Variants in LDLRAD3 observed in about 807,000 individuals in gnomAD.
LDLRAD3 encodes the protein low density lipoprotein receptor class A domain containing 3, also known as low-density lipoprotein receptor class A domain-containing protein 3.
In LDLRAD3, 20 loss-of-function variants were observed where a neutral mutation model predicts 29.4. The observed-to-expected ratio is 0.68, with a 90% CI of 0.48 to 0.99. The LOEUF is 0.99. LDLRAD3 is among the 50% of genes least tolerant of loss of function. LDLRAD3 has a pLI of 0.00. For missense variants in LDLRAD3, 420 were observed against 454.3 expected, an observed-to-expected ratio of 0.92 and a Z score of 0.69; for synonymous variants, 157 against 192.7, an observed-to-expected ratio of 0.81 and a Z score of 1.53.
intron 1 of LDLRAD3, among the ~76,000 whole-genome samples, chr11:35,987,607 G>A (rs1280797177): frequency 1.3e-5 from 2 of 152,164 alleles, no homozygotes; most frequent in African/African-American, 4.8e-5. Flanking sequence ...TTTTATGGCT[G>A]TGTATGTAGT....
chr11:36,203,143 C>G (rs1232923561), intron 4 of LDLRAD3, among the ~76,000 whole-genome samples: 1 of 152,056 alleles, frequency 6.6e-6, no homozygotes, highest in Non-Finnish European at 1.5e-5. Context: ...CACTGTGTTG[C>G]CCAGGCTGGA....
chr11:36,043,370 G>A (rs190325579), intron 2 of LDLRAD3, among the ~76,000 whole-genome samples: 1 of 152,330 alleles, frequency 6.6e-6, no homozygotes, highest in East Asian at 1.9e-4. Flanking sequence ...CTGTCTAACA[G>A]GCTGACGTCT....
intron 3 of LDLRAD3, among the ~76,000 whole-genome samples, chr11:36,092,917 C>G (rs1335983189): frequency 6.6e-6 from 1 of 152,154 alleles, no homozygotes; most frequent in Non-Finnish European, 1.5e-5. Flanking sequence ...GGGCTGTGTT[C>G]CTCTACCATC....
rs72940737 is a variant in LDLRAD3, at chr11:36,002,767, C to T, written c.47-33336C>T. 3.8e-3 allele frequency among the ~76,000 whole-genome samples: 576 copies of T among 152,266 alleles called. 1 individual carries two copies. Among genetic ancestry groups the T allele is most frequent in the Non-Finnish European group, 7.2e-3 (491 of 68,008 alleles). On this transcript the variant is annotated intron_variant, in intron 1 of 5. Coordinates refer to ENST00000315571, the MANE Select transcript of LDLRAD3 (RefSeq NM_174902.4). ...CCTGGCTTGCTTCACTGGAGAAGGG[C>T]CCCTTTGGCACACCTACCACATTGC... is the stretch of plus-strand genomic sequence containing the variant.
intron 4 of LDLRAD3, among the ~76,000 whole-genome samples, chr11:36,208,354 T>G (rs1855238800): frequency 6.6e-6 from 1 of 152,196 alleles, no homozygotes; most frequent in African/African-American, 2.4e-5. Flanking sequence ...AAGTTCAAGA[T>G]CAAGGCGCGA....
chr11:35,966,642 C>T (rs987150386), intron 1 of LDLRAD3, among the ~76,000 whole-genome samples: 2 of 142,042 alleles, frequency 1.4e-5, no homozygotes, highest in Non-Finnish European at 3.0e-5. Context: ...TTCCTTGAAC[C>T]TTCTCCATCC....
chr11:36,066,746 G>A (rs576672902), intron 2 of LDLRAD3, among the ~76,000 whole-genome samples: 2 of 152,222 alleles, frequency 1.3e-5, no homozygotes, highest in East Asian at 3.9e-4. Flanking sequence ...CTAAAAGTAC[G>A]AAGAATATTA....
intron 3 of LDLRAD3, among the ~76,000 whole-genome samples, chr11:36,096,045 A>C (rs1853355544): frequency 1.3e-5 from 2 of 151,708 alleles, no homozygotes; most frequent in Non-Finnish European, 2.9e-5. Context: ...TCTCTGGCCC[A>C]CAGCGATGTC....
chr11:35,970,902 C>T (rs1851403442), intron 1 of LDLRAD3, among the ~76,000 whole-genome samples: 1 of 152,188 alleles, frequency 6.6e-6, no homozygotes, highest in African/African-American at 2.4e-5. Flanking sequence ...TTGATTGACT[C>T]TGGGGGAACC....
At chr11:36,057,641 T>A (rs1338112359) in intron 2 of LDLRAD3, among the ~76,000 whole-genome samples, 1 of 152,236 alleles carries the variant, frequency 6.6e-6, no homozygotes, top group African/African-American at 2.4e-5. Flanking sequence ...CTTTGTTTGC[T>A]GAGATTCTGC....
At chr11:36,130,157 G>A (rs953978321) in intron 4 of LDLRAD3, among the ~76,000 whole-genome samples, 19 of 152,338 alleles carry the variant, frequency 1.2e-4, no homozygotes, top group African/African-American at 4.3e-4. Context: ...AATTTCAAGT[G>A]TGATGATTCG....
intron 1 of LDLRAD3, among the ~76,000 whole-genome samples, chr11:35,977,555 G>C (rs894263826): frequency 1.3e-5 from 2 of 152,134 alleles, no homozygotes; most frequent in Non-Finnish European, 2.9e-5. Flanking sequence ...CTCCCAAGCA[G>C]CTTTACTAGA....
At chr11:36,164,720 TC>T (rs1854490925) in intron 4 of LDLRAD3, among the ~76,000 whole-genome samples, 2 of 152,338 alleles carry the variant, frequency 1.3e-5, no homozygotes, top group Admixed American at 1.3e-4. Context: ...CTCTGACTCT[TC>T]CTTTAACTTC....
Position 36,035,175 on chromosome 11 carries a change from CTT to C in LDLRAD3, c.47-914_47-913del, listed in dbSNP as rs11352330. Among the ~76,000 whole-genome samples, 211 of 143,492 alleles carry C rather than the reference CTT, an allele frequency of 1.5e-3. 2 individuals are homozygous for C. The highest frequency in any genetic ancestry group is 7.2e-3 in the Middle Eastern group (2 of 276). 94.1% of individuals were successfully genotyped at this position (143,492 alleles called of 152,430 possible). A position where few individuals can be genotyped will look rare whatever the true frequency, so the allele number is the denominator to read the frequency against. Reference sequence around the variant, plus strand: ...AGTTGTGGTGTGCTGAAGGACTGGTCTTTTTTTTTTTTTTTCCTGCTTTTCCC... The same window carrying C: ...AGTTGTGGTGTGCTGAAGGACTGGTCTTTTTTTTTTTTTCCTGCTTTTCCC... On this transcript the variant is annotated intron_variant, in intron 1 of 5. Transcript: ENST00000315571.
intron 4 of LDLRAD3, among the ~76,000 whole-genome samples, chr11:36,147,994 G>C (rs1344726828): frequency 6.6e-6 from 1 of 151,978 alleles, no homozygotes; most frequent in Admixed American, 6.6e-5. Context: ...CCTCAGCCTT[G>C]CGAGTAGCTG....
chr11:35,971,346 T>C (rs976815754), intron 1 of LDLRAD3, among the ~76,000 whole-genome samples: 2 of 152,194 alleles, frequency 1.3e-5, no homozygotes, highest in Non-Finnish European at 2.9e-5. Flanking sequence ...CCAAAACTCA[T>C]ATGTTGAGCC....
chr11:36,199,585 A>ACACACACACACGCACGCACG (rs771281624), intron 4 of LDLRAD3, among the ~76,000 whole-genome samples: 5 of 150,470 alleles, frequency 3.3e-5, no homozygotes, highest in African/African-American at 1.2e-4. Context: ...ACACACACAC[A>ACACACACACACGCACGCACG]CACGCACGCA....
At chr11:36,047,333 T>A (rs762537468) in intron 2 of LDLRAD3, among the ~76,000 whole-genome samples, 53 of 152,262 alleles carry the variant, frequency 3.5e-4, no homozygotes, top group Non-Finnish European at 6.5e-4. Context: ...GCATCTTTCA[T>A]GCATTTCACC....
At chr11:36,051,126 T>A (rs1231161623) in intron 2 of LDLRAD3, among the ~76,000 whole-genome samples, 1 of 152,172 alleles carries the variant, frequency 6.6e-6, no homozygotes, top group African/African-American at 2.4e-5. Flanking sequence ...TGGAAGGACT[T>A]TCATGGAAAA....
Sources: gnomAD v4.1 joint callset for allele counts (sites outside exome capture counted in the v4.1 genomes callset) on GRCh38, gnomAD v4.1.1 for gene constraint, MANE v1.5 for transcripts, NCBI Gene and HGNC (gene_info 2026-07-23, HGNC 2026-07-21) for gene names.